Variants in ALS2 observed in about 807,000 individuals in gnomAD.
ALS2 encodes the protein alsin Rho guanine nucleotide exchange factor ALS2, also known as alsin.
In ALS2, 117 loss-of-function variants were observed where a neutral mutation model predicts 203.4. The ratio of observed to expected loss-of-function variants is 0.58; its 90% CI spans 0.50 to 0.67. The LOEUF is 0.67. Ranked by LOEUF, ALS2 falls within the 30% of genes least tolerant of loss-of-function variation. The pLI is 0.00. For missense variants in ALS2, 1,715 were observed against 1,989.4 expected, an observed-to-expected ratio of 0.86 and a Z score of 2.62; for synonymous variants, 718 against 725.9, an observed-to-expected ratio of 0.99 and a Z score of 0.17.
chr2:201,709,533 C>T (rs1208067), intron 27 of ALS2, among the ~76,000 whole-genome samples: 149,084 of 152,170 alleles, frequency 0.98, 73,094 homozygotes, highest in East Asian at 1. Flanking sequence ...GGCAAAACTT[C>T]ATATTAAACT....
intron 13 of ALS2, among the ~76,000 whole-genome samples, chr2:201,732,169 T>A (rs1691598326): frequency 6.6e-6 from 1 of 152,152 alleles, no homozygotes; most frequent in South Asian, 2.1e-4. Context: ...CAGGCTCAAA[T>A]GTAGAAAGCC....
rs1221424539 is a variant in ALS2, at chr2:201,700,820, C to T, written c.*1031G>A. Reference sequence around the variant, plus strand: ...TTATACAGTATAAACCAACAACTTACAATAGGGCATTTTTTAAAAAGCAAA... The same window carrying T: ...TTATACAGTATAAACCAACAACTTATAATAGGGCATTTTTTAAAAAGCAAA... On this transcript the variant is annotated 3_prime_UTR_variant, in exon 34 of 34. Coordinates refer to ENST00000264276, the MANE Select transcript of ALS2 (RefSeq NM_020919.4). 6.6e-6 allele frequency: 1 copy of T among 152,488 alleles called. No individual in the cohort carries two copies. The highest frequency in any genetic ancestry group is 2.4e-5 in the African/African-American group (1 of 41,446). The allele number at this position is 152,488 out of a possible 1,614,324, so 9.4% of individuals were successfully genotyped here.
At chr2:201,739,225 G>A (rs1466824300) in intron 11 of ALS2, among the ~76,000 whole-genome samples, 1 of 87,018 alleles carries the variant, frequency 1.1e-5, no homozygotes, top group African/African-American at 4.8e-5. Flanking sequence ...GACAGGATAC[G>A]ACTGTCTCCC....
Position 201,751,993 on chromosome 2 carries a change from A to G in ALS2, c.1737+1153T>C, listed in dbSNP as rs1296036276. ...TAGCCGACAGGCATATTTCTGTTGC[A>G]TTGATCTGTTTAATTTTATAATATA... On this transcript the variant is annotated intron_variant, in intron 7 of 33. Coordinates refer to ENST00000264276, the MANE Select transcript of ALS2 (RefSeq NM_020919.4). Among the ~76,000 whole-genome samples the G allele has an allele frequency of 3.3e-5, 5 of 152,164 alleles. No individual in the cohort carries two copies. The East Asian group carries it at 7.7e-4, about 23-fold the overall frequency.
chr2:201,735,459 T>C (rs1691818331), intron 12 of ALS2, among the ~76,000 whole-genome samples: 1 of 152,210 alleles, frequency 6.6e-6, no homozygotes, highest in African/African-American at 2.4e-5. Flanking sequence ...AGTGATCAAT[T>C]AGATGAATGA....
intron 20 of ALS2, 148 bp downstream of exon 20, chr2:201,725,208 C>T: frequency 2.9e-6 from 2 of 692,618 alleles, no homozygotes; most frequent in Non-Finnish European, 5.2e-6. Context: ...AAGATGATCA[C>T]ACAGAGTTTC....
At chr2:201,721,694 C>T (rs778960501) in intron 23 of ALS2, among the ~76,000 whole-genome samples, 5 of 152,162 alleles carry the variant, frequency 3.3e-5, no homozygotes, top group South Asian at 4.1e-4. Context: ...GACGGAGTCT[C>T]GCTCTGTCAC....
intron 25 of ALS2, among the ~76,000 whole-genome samples, chr2:201,714,934 C>A (rs76223482): frequency 0.051 from 7,824 of 152,274 alleles, 216 homozygotes; most frequent in Middle Eastern, 0.088. Context: ...TCGCAGGCAC[C>A]CCTTTTTAGG....
chr2:201,705,050 C>T, intron 31 of ALS2, 89 bp downstream of exon 31: 1 of 1,312,786 alleles, frequency 7.6e-7, no homozygotes, highest in Non-Finnish European at 1.1e-6. Context: ...ATGCTTAAGG[C>T]TTAGGTAAAG....
In ALS2 at chr2:201,768,917, T is replaced by C. The variant is rs1694238920; in HGVS notation, c.-32A>G. 2.5e-6 allele frequency: 4 copies of C among 1,610,556 alleles called. No homozygotes were observed. The highest frequency in any genetic ancestry group is 3.4e-6 in the Non-Finnish European group (4 of 1,177,256). On this transcript the variant is annotated 5_prime_UTR_variant, in exon 2 of 34. It removes an upstream start codon present in the reference 5' UTR. Transcript: ENST00000264276. ...GTGGGAACACTCCATCACCAAATCA[T>C]TCCTTCTTTACAGAAAGTCTATCAA...
At chr2:201,740,590 A>G (rs1692209603) in intron 11 of ALS2, among the ~76,000 whole-genome samples, 1 of 152,166 alleles carries the variant, frequency 6.6e-6, no homozygotes, top group South Asian at 2.1e-4. Context: ...TATTATTTTT[A>G]TTTTTCATTT....
intron 2 of ALS2, 41 bp from the exon 3 acceptor site, chr2:201,767,424 C>G (rs899889164): frequency 6.2e-7 from 1 of 1,600,212 alleles, no homozygotes; most frequent in East Asian, 2.2e-5. Flanking sequence ...TTCTACAATT[C>G]AGAACAGTAT....
intron 6 of ALS2, among the ~76,000 whole-genome samples, chr2:201,753,845 T>TG (rs1475710992): frequency 2.0e-5 from 3 of 152,054 alleles, no homozygotes; most frequent in Admixed American, 2.0e-4. Flanking sequence ...ATGTGACAGG[T>TG]GGGGGCCTCT....
At chr2:201,766,138 T>C (rs953401204) in intron 3 of ALS2, among the ~76,000 whole-genome samples, 11 of 152,212 alleles carry the variant, frequency 7.2e-5, no homozygotes, top group African/African-American at 2.4e-4. Flanking sequence ...TTATTAGCAT[T>C]AGTATTCTGA....
In ALS2 at chr2:201,724,419, T is replaced by C; in HGVS notation, c.3388A>G (p.Asn1130Asp). The C allele has an allele frequency of 1.2e-6, 2 of 1,614,102 alleles. No homozygotes were observed. Among genetic ancestry groups the C allele is most frequent in the East Asian group, 2.2e-5 (1 of 44,854 alleles). ...GEVFEGCFQD[N>D]MRHGHGLLRS... Reference sequence around the variant, plus strand: ...AGAAGACCATGACCATGACGCATATTATCTTGAAAACAGCCCTCAAATACT... The same window carrying C: ...AGAAGACCATGACCATGACGCATATCATCTTGAAAACAGCCCTCAAATACT... The change falls in exon 21 of 34, where the codon AAT becomes GAT. Residue 1130 changes from asparagine (N) to aspartate (D), a missense_variant. Asn to Asp is a conservative substitution (Grantham distance 23, BLOSUM62 1). Coordinates refer to ENST00000264276, the MANE Select transcript of ALS2 (RefSeq NM_020919.4).
rs781366747 is a variant in ALS2, at chr2:201,741,838, T to C, written c.2187A>G (p.Thr729=). The change falls in exon 11 of 34, where the codon ACA becomes ACG. Residue 729 remains threonine (T), a synonymous_variant. Transcript: ENST00000264276. ...CCTCCTGCAACAGCTGGACTGTAGT[T>C]GTAGTGCCCAAATTTTCTATAACAA... ...PLLSLENLGT[T]TTVQLLQEVA... 2 of 1,613,688 alleles carry C rather than the reference T, an allele frequency of 1.2e-6. No individual in the cohort carries two copies. The highest frequency in any genetic ancestry group is 1.7e-6 in the Non-Finnish European group (2 of 1,179,798).
At chr2:201,722,931 G>C in intron 23 of ALS2, 112 bp downstream of exon 23, 3 of 823,100 alleles carry the variant, frequency 3.6e-6, no homozygotes, top group Non-Finnish European at 5.9e-6. Flanking sequence ...TCACTGAAAC[G>C]TGCACTTGAA....
intron 12 of ALS2, among the ~76,000 whole-genome samples, chr2:201,735,145 T>C (rs756671757): frequency 6.6e-6 from 1 of 151,786 alleles, no homozygotes; most frequent in African/African-American, 2.4e-5. Flanking sequence ...TCATATAAGG[T>C]ACCTAGAACA....
intron 4 of ALS2, among the ~76,000 whole-genome samples, chr2:201,758,755 T>TGC (rs772014038): frequency 0.011 from 881 of 79,770 alleles, 4 homozygotes; most frequent in Middle Eastern, 0.043. Context: ...TGTGTGTGTG[T>TGC]GCGCATGTGT....
Sources: allele counts gnomAD v4.1 joint callset (sites outside exome capture counted in the v4.1 genomes callset), GRCh38; gene constraint gnomAD v4.1.1; transcripts MANE v1.5; gene names NCBI Gene and HGNC (gene_info 2026-07-23, HGNC 2026-07-21).